The following TGFB1I1 variants were observed in gnomAD, a reference collection of about 807,000 sequenced individuals.
TGFB1I1 encodes transforming growth factor beta-1-induced transcript 1 protein.
TGFB1I1 carries 33 observed loss-of-function variants against 52.0 expected under a neutral mutation model. The ratio of observed to expected loss-of-function variants is 0.63; its 90% CI spans 0.48 to 0.85. TGFB1I1 has a LOEUF of 0.85. Ranked by LOEUF, TGFB1I1 falls within the 40% of genes least tolerant of loss-of-function variation. TGFB1I1 has a pLI of 0.00. For synonymous variants in TGFB1I1, 236 were observed against 253.3 expected (o/e 0.93, Z 0.65); for missense variants, 577 against 614.9 (o/e 0.94, Z 0.65).
chr16:31,473,233 T>C (rs1388396999), intron 1 of TGFB1I1: 2 of 1,373,258 alleles, frequency 1.5e-6, no homozygotes, highest in Admixed American at 3.2e-5. Flanking sequence ...GAGGCTGGGT[T>C]TGTGCTTGGC....
In TGFB1I1 at chr16:31,477,940, AAC is replaced by A. The variant is rs369087422; in HGVS notation, c.*369_*370del. ...TCTGTGCACTTTTTCTACCTACATA[AAC>A]ACACGCATTCCACCTCTCCCTGGTG... is the stretch of plus-strand genomic sequence containing the variant. On this transcript the variant is annotated 3_prime_UTR_variant, in exon 11 of 11. Coordinates refer to ENST00000394863, the MANE Select transcript of TGFB1I1 (RefSeq NM_001042454.3). This position sits in a 1 kb window ranked among gnomAD's most constrained non-coding sequence, Gnocchi z 4.7. 1.3e-4 allele frequency: 33 copies of A among 252,576 alleles called. No individual in the cohort carries two copies. Among genetic ancestry groups the A allele is most frequent in the Admixed American group, 4.9e-4 (9 of 18,494 alleles). 15.6% of individuals were successfully genotyped at this position (252,576 alleles called of 1,614,324 possible).
chr16:31,476,645 C>T lies in TGFB1I1; in HGVS notation c.970+83C>T. ...CAGCCCCTCCGACCTCCGGAGTCCT[C>T]AGGGCCATGGTTTTCCTTCTGCTCT... On this transcript the variant is annotated intron_variant, in intron 9 of 10. Coordinates refer to ENST00000394863, the MANE Select transcript of TGFB1I1 (RefSeq NM_001042454.3). This position sits in a 1 kb window ranked among gnomAD's most constrained non-coding sequence, Gnocchi z 7.6. 6.7e-7 allele frequency: 1 copy of T among 1,498,114 alleles called. No homozygotes were observed. The highest frequency in any genetic ancestry group is 9.1e-7 in the Non-Finnish European group (1 of 1,095,906). 92.8% of individuals were successfully genotyped at this position (1,498,114 alleles called of 1,614,324 possible).
rs2082428052 is a variant in TGFB1I1 at position 31,476,905 on chromosome 16, C to G, written c.1014C>G (p.Phe338Leu). The change falls in exon 10 of 11, where the codon TTC (phenylalanine) becomes TTG (leucine). Residue 338 changes from phenylalanine to leucine, a missense_variant. Coordinates refer to ENST00000394863, the MANE Select transcript of TGFB1I1 (RefSeq NM_001042454.3). The surrounding 1 kb of genome is among the most constrained non-coding windows in gnomAD (Gnocchi z 7.6). ...REGRPYCRRD[F>L]LQLFAPRCQG... Reference sequence around the variant, plus strand: ...GCCGCCCCTACTGCCGCCGGGACTTCCTGCAGCTGTTCGCCCCGCGCTGCC... The same window carrying G: ...GCCGCCCCTACTGCCGCCGGGACTTGCTGCAGCTGTTCGCCCCGCGCTGCC... 5 of 1,610,306 alleles carry G rather than the reference C, an allele frequency of 3.1e-6. No individual in the cohort carries two copies. Among genetic ancestry groups the G allele is most frequent in the Non-Finnish European group, 4.2e-6 (5 of 1,179,562 alleles).
At position 31,476,188 on chromosome 16, in the gene TGFB1I1, G is replaced by A; in HGVS notation, c.888+3G>A. 1 of 1,611,020 alleles carries A rather than the reference G, an allele frequency of 6.2e-7. No homozygotes were observed. Among genetic ancestry groups the A allele is most frequent in the Non-Finnish European group, 8.5e-7 (1 of 1,179,340 alleles). On this transcript the variant is annotated splice_donor_region_variant and intron_variant, in intron 8 of 10. Coordinates refer to ENST00000394863, the MANE Select transcript of TGFB1I1 (RefSeq NM_001042454.3). The surrounding 1 kb of genome is among the most constrained non-coding windows in gnomAD (Gnocchi z 7.6). ...TCTGCAACCAGCCCATCCGACACGTGAGCCCCGCCCGGCCGCACCGAGCCC... is the reference window on the plus strand; with the variant it reads ...TCTGCAACCAGCCCATCCGACACGTAAGCCCCGCCCGGCCGCACCGAGCCC...
At chr16:31,473,111 C>A in intron 1 of TGFB1I1, 1 of 825,534 alleles carries the variant, frequency 1.2e-6, no homozygotes, top group Non-Finnish European at 1.5e-6. Flanking sequence ...AATCAGAAAG[C>A]TGAGGGCCAG....
Position 31,473,723 on chromosome 16 carries a change from C to T in TGFB1I1, c.171C>T (p.Asp57=), listed in dbSNP as rs1406990072. The stretch of plus-strand genomic sequence containing the variant: ...CTTCAGGAGCCTCGGGGGACAAGGA[C>T]CACCTGTACAGGTGAGGGGCCTGGA... ...GESSGASGDK[D]HLYSTVCKPR... The change falls in exon 3 of 11, where the codon GAC becomes GAT. Residue 57 remains aspartate, a synonymous_variant. Coordinates refer to ENST00000394863, the MANE Select transcript of TGFB1I1 (RefSeq NM_001042454.3). The T allele has an allele frequency of 6.4e-7, 1 of 1,558,976 alleles. No homozygotes were observed. Among genetic ancestry groups the T allele is most frequent in the Non-Finnish European group, 8.7e-7 (1 of 1,153,552 alleles).
Position 31,473,253 on chromosome 16 carries a change from G to A in TGFB1I1, c.14-188G>A, listed in dbSNP as rs376358213. 121 of 1,404,726 alleles carry A rather than the reference G, an allele frequency of 8.6e-5. No individual in the cohort carries two copies. The South Asian group carries it at 1.7e-3, about 20-fold the overall frequency. 87.0% of individuals were successfully genotyped at this position (1,404,726 alleles called of 1,614,324 possible). The stretch of plus-strand genomic sequence containing the variant: ...TGGGTTTGTGCTTGGCTCCAAGCGT[G>A]AGCAACTGGGATATTCTGGTCATAA... On this transcript the variant is annotated intron_variant, in intron 1 of 10. Transcript: ENST00000394863.
Position 31,476,918 on chromosome 16 carries a change from GC to G in TGFB1I1, c.1031del (p.Pro344ArgfsTer69). On this transcript the variant is annotated frameshift_variant, in exon 10 of 11. Transcript: ENST00000394863. LOFTEE classifies it high-confidence loss of function. This position sits in a 1 kb window ranked among gnomAD's most constrained non-coding sequence, Gnocchi z 7.6. ...YCRRDFLQLF[A>X]PRCQGCQGPI... Reference sequence around the variant, plus strand: ...CCGCCGGGACTTCCTGCAGCTGTTCGCCCCGCGCTGCCAGGGCTGCCAGGGC... The same window carrying G: ...CCGCCGGGACTTCCTGCAGCTGTTCGCCCGCGCTGCCAGGGCTGCCAGGGC... 6.2e-7 allele frequency: 1 copy of G among 1,608,494 alleles called. No homozygotes were observed.
In TGFB1I1 at chr16:31,477,437, G is replaced by T. The variant is rs1230210215; in HGVS notation, c.1247G>T (p.Cys416Phe). ...ATCGLPVTGR[C>F]VSALGRRFHP... ...TGTGGCCTCCCTGTGACCGGCCGCTGCGTGTCGGCCCTGGGTCGCCGCTTC... is the reference window on the plus strand; with the variant it reads ...TGTGGCCTCCCTGTGACCGGCCGCTTCGTGTCGGCCCTGGGTCGCCGCTTC... Residue 416 changes from cysteine (C) to phenylalanine (F), a missense_variant, in exon 11 of 11, where the codon TGC becomes TTC. This residue lies in a region of TGFB1I1 where 456 missense variants were observed against 461.6 expected (regional missense o/e 0.99). Transcript: ENST00000394863. The surrounding 1 kb of genome is among the most constrained non-coding windows in gnomAD (Gnocchi z 4.7). 2.5e-6 allele frequency: 4 copies of T among 1,601,498 alleles called. No individual in the cohort carries two copies. Among genetic ancestry groups the T allele is most frequent in the Non-Finnish European group, 3.4e-6 (4 of 1,174,702 alleles).
At position 31,474,020 on chromosome 16, in the gene TGFB1I1, G is replaced by A; in HGVS notation, c.325+43G>A. On this transcript the variant is annotated intron_variant, in intron 4 of 10. Coordinates refer to ENST00000394863, the MANE Select transcript of TGFB1I1 (RefSeq NM_001042454.3). The surrounding 1 kb of genome is among the most constrained non-coding windows in gnomAD (Gnocchi z 4.2). ...AGAGGCCTTGATGCGATAGGGGCAG[G>A]GGAGGGAAGGGTGGGGCAGAGACTA... 6.2e-7 allele frequency: 1 copy of A among 1,607,936 alleles called. No individual in the cohort carries two copies. Among genetic ancestry groups the A allele is most frequent in the Non-Finnish European group, 8.5e-7 (1 of 1,174,720 alleles).
Position 31,476,241 on chromosome 16 carries a change from A to G in TGFB1I1, c.888+56A>G. The G allele has an allele frequency of 6.3e-7, 1 of 1,575,890 alleles. No homozygotes were observed. Among genetic ancestry groups the G allele is most frequent in the Non-Finnish European group, 8.6e-7 (1 of 1,161,874 alleles). On this transcript the variant is annotated intron_variant, in intron 8 of 10. Transcript: ENST00000394863. The surrounding 1 kb of genome is among the most constrained non-coding windows in gnomAD (Gnocchi z 7.6). ...CCTATCTCACCAGGAGAGCTGTGGG[A>G]CGGGCCTCCACCGCATGGGTCCCGC...
chr16:31,473,838 G>A lies in TGFB1I1; in HGVS notation c.186G>A (p.Thr62=), dbSNP rs150772845. 5 of 1,613,948 alleles carry A rather than the reference G, an allele frequency of 3.1e-6. No homozygotes were observed. The African/African-American group carries it at 5.3e-5, about 17-fold the overall frequency. The part of the protein sequence containing the change: ...ASGDKDHLYS[T]VCKPRSPKPA... ...AGGCTCCCACTCTGCTTCCCAGCAC[G>A]GTATGCAAGCCTCGGTCCCCAAAGC... The change falls in exon 4 of 11, where the codon ACG becomes ACA. Residue 62 remains threonine (T), a synonymous_variant. Transcript: ENST00000394863.
At position 31,476,352 on chromosome 16, in the gene TGFB1I1, C is replaced by A; in HGVS notation, c.889-129C>A. ...TGGACTCCACTCTTCCTTTCTGACCCCCACGTTCCTAGTTAGATCTTCTCC... is the reference window on the plus strand; with the variant it reads ...TGGACTCCACTCTTCCTTTCTGACCACCACGTTCCTAGTTAGATCTTCTCC... On this transcript the variant is annotated intron_variant, in intron 8 of 10. Coordinates refer to ENST00000394863, the MANE Select transcript of TGFB1I1 (RefSeq NM_001042454.3). This position sits in a 1 kb window ranked among gnomAD's most constrained non-coding sequence, Gnocchi z 7.6. The A allele has an allele frequency of 8.1e-7, 1 of 1,237,760 alleles. No individual in the cohort carries two copies. Among genetic ancestry groups the A allele is most frequent in the East Asian group, 2.5e-5 (1 of 40,144 alleles). 76.7% of individuals were successfully genotyped at this position (1,237,760 alleles called of 1,614,324 possible). A position where few individuals can be genotyped will look rare whatever the true frequency, so the allele number is the denominator to read the frequency against.
chr16:31,474,187 G>A lies in TGFB1I1; in HGVS notation c.361G>A (p.Ala121Thr), dbSNP rs988819276. Reference protein sequence around the residue: ...IMSQFPSSKVASGEQKEDQSE... With the variant: ...IMSQFPSSKVTSGEQKEDQSE... ...GTCTCAGTTCCCATCTAGCAAGGTG[G>A]CTTCAGGAGAGCAGAAGGAGGACCA... The change falls in exon 5 of 11, where the codon GCT (alanine) becomes ACT (threonine). Residue 121 changes from alanine to threonine, a missense_variant. Physicochemically the swap from Ala to Thr is moderately conservative, Grantham distance 58 (BLOSUM62 0). This residue lies in a region of TGFB1I1 where 456 missense variants were observed against 461.6 expected (regional missense o/e 0.99). Coordinates refer to ENST00000394863, the MANE Select transcript of TGFB1I1 (RefSeq NM_001042454.3). The surrounding 1 kb of genome is among the most constrained non-coding windows in gnomAD (Gnocchi z 4.2). 1 of 1,614,148 alleles carries A rather than the reference G, an allele frequency of 6.2e-7. No homozygotes were observed. Among genetic ancestry groups the A allele is most frequent in the Non-Finnish European group, 8.5e-7 (1 of 1,180,018 alleles).
At position 31,474,363 on chromosome 16, in the gene TGFB1I1, T is replaced by C. The variant is rs1486924547; in HGVS notation, c.427T>C (p.Ser143Pro). The C allele has an allele frequency of 6.2e-7, 1 of 1,614,148 alleles. No homozygotes were observed. Among genetic ancestry groups the C allele is most frequent in the Admixed American group, 1.7e-5 (1 of 60,026 alleles). Reference sequence around the variant, plus strand: ...TGTTCTTCACAGCCCTTCCAGCCCGTCTCCTGGCCTCCCAAAGGCTTCTGC... The same window carrying C: ...TGTTCTTCACAGCCCTTCCAGCCCGCCTCCTGGCCTCCCAAAGGCTTCTGC... ...KKRPSLPSSP[S>P]PGLPKASATS... Residue 143 changes from serine to proline, a missense_variant, in exon 6 of 11, where the codon TCT becomes CCT. Around this residue, in one of 3 missense-constraint regions of TGFB1I1, gnomAD observed 456 missense variants for 461.6 expected, o/e 0.99. Coordinates refer to ENST00000394863, the MANE Select transcript of TGFB1I1 (RefSeq NM_001042454.3). This position sits in a 1 kb window ranked among gnomAD's most constrained non-coding sequence, Gnocchi z 4.2.
intron 1 of TGFB1I1, 140 bp from the exon 2 acceptor site, chr16:31,473,301 C>G (rs1236855324): frequency 3.5e-6 from 5 of 1,438,270 alleles, no homozygotes. Context: ...ACCCTTCGAG[C>G]AGTGCTCTGC....
In TGFB1I1 at chr16:31,474,777, A is replaced by C. The variant is rs752271458; in HGVS notation, c.714+20A>C. ...GGGCAAGTAAGTGGAGCCTTGTGAGAAGGGAGGCAGAGACCTGTCACAGAC... is the reference window on the plus strand; with the variant it reads ...GGGCAAGTAAGTGGAGCCTTGTGAGCAGGGAGGCAGAGACCTGTCACAGAC... On this transcript the variant is annotated intron_variant, in intron 7 of 10. Coordinates refer to ENST00000394863, the MANE Select transcript of TGFB1I1 (RefSeq NM_001042454.3). This position sits in a 1 kb window ranked among gnomAD's most constrained non-coding sequence, Gnocchi z 4.2. 1 of 1,590,590 alleles carries C rather than the reference A, an allele frequency of 6.3e-7. No individual in the cohort carries two copies. The highest frequency in any genetic ancestry group is 8.6e-7 in the Non-Finnish European group (1 of 1,168,706).
At position 31,475,823 on chromosome 16, in the gene TGFB1I1, A is replaced by G. The variant is rs553482009; in HGVS notation, c.715-189A>G. The G allele has an allele frequency of 2.1e-5, 13 of 633,920 alleles. No individual in the cohort carries two copies. In the Admixed American group the frequency reaches 3.0e-4, roughly 15 times the overall value. The allele number at this position is 633,920 out of a possible 1,614,324, so 39.3% of individuals were successfully genotyped here. On this transcript the variant is annotated intron_variant, in intron 7 of 10. Coordinates refer to ENST00000394863, the MANE Select transcript of TGFB1I1 (RefSeq NM_001042454.3). ...CCTGCTGTGCCTCATGTATAGGTCA[A>G]TCCTGGAGCGCAGCTGGAAGACGGA... is the stretch of plus-strand genomic sequence containing the variant.
chr16:31,476,676 G>T lies in TGFB1I1; in HGVS notation c.970+114G>T. ...CATGGTTTTCCTTCTGCTCTCTTCT[G>T]GCCCTGCCCTCTCCTACACAGACTC... On this transcript the variant is annotated intron_variant, in intron 9 of 10. Coordinates refer to ENST00000394863, the MANE Select transcript of TGFB1I1 (RefSeq NM_001042454.3). This position sits in a 1 kb window ranked among gnomAD's most constrained non-coding sequence, Gnocchi z 7.6. 1 of 1,431,386 alleles carries T rather than the reference G, an allele frequency of 7.0e-7. No homozygotes were observed. The highest frequency in any genetic ancestry group is 9.5e-7 in the Non-Finnish European group (1 of 1,048,454). The allele number at this position is 1,431,386 out of a possible 1,614,324, so 88.7% of individuals were successfully genotyped here. A position where few individuals can be genotyped will look rare whatever the true frequency, so the allele number is the denominator to read the frequency against.
Sources: allele counts gnomAD v4.1 joint callset, GRCh38; gene constraint gnomAD v4.1.1; regional missense constraint gnomAD v4.1.1; non-coding constraint Gnocchi (gnomAD v3.1); transcripts MANE v1.5; gene names NCBI Gene and HGNC (gene_info 2026-07-23, HGNC 2026-07-21).